The following ZSWIM2 variants were observed in gnomAD, a reference collection of about 807,000 sequenced individuals.
The protein encoded by ZSWIM2 is E3 ubiquitin-protein ligase ZSWIM2.
In ZSWIM2, 38 loss-of-function variants were observed where a neutral mutation model predicts 48.4. The ratio of observed to expected loss-of-function variants is 0.79; its 90% CI spans 0.61 to 1.03. The LOEUF is 1.03. Among genes scored for constraint, ZSWIM2 ranks in the 50% least tolerant of loss-of-function variants. ZSWIM2 has a pLI of 0.00. For synonymous variants in ZSWIM2, 240 were observed against 251.3 expected (o/e 0.96, Z 0.42); for missense variants, 776 against 730.2 (o/e 1.06, Z -0.72).
At chr2:186,831,542 T>A (rs1691699672) in intron 7 of ZSWIM2, among the ~76,000 whole-genome samples, 1 of 151,998 alleles carries the variant, frequency 6.6e-6, no homozygotes, top group Non-Finnish European at 1.5e-5. Flanking sequence ...CCCAAAGGAT[T>A]ATAAATCATG....
intron 7 of ZSWIM2, among the ~76,000 whole-genome samples, chr2:186,830,843 C>T (rs10179296): frequency 0.46 from 70,485 of 151,894 alleles, 18,231 homozygotes; most frequent in African/African-American, 0.7. Context: ...GAAAAAAAAG[C>T]TTGGTTAAAA....
rs762969899 is a variant in ZSWIM2 at position 186,827,976 on chromosome 2, A to G, written c.*8T>C. On this transcript the variant is annotated 3_prime_UTR_variant, in exon 9 of 9. Coordinates refer to ENST00000295131, the MANE Select transcript of ZSWIM2 (RefSeq NM_182521.3). ...CAACATTCAAATATTTTCAGATAGT[A>G]AACTTTTTCACAATTGAACTCCTTC... is the stretch of plus-strand genomic sequence containing the variant. 1.9e-6 allele frequency: 3 copies of G among 1,539,606 alleles called. No homozygotes were observed. The highest frequency in any genetic ancestry group is 2.6e-6 in the Non-Finnish European group (3 of 1,147,554).
At chr2:186,838,887 T>C in intron 4 of ZSWIM2, 72 bp downstream of exon 4, 1 of 1,398,910 alleles carries the variant, frequency 7.1e-7, no homozygotes. Context: ...TCATGTCTCC[T>C]AAGGTAATAA....
intron 2 of ZSWIM2, among the ~76,000 whole-genome samples, chr2:186,845,844 T>G (rs1249593002): frequency 6.6e-6 from 1 of 151,596 alleles, no homozygotes; most frequent in Non-Finnish European, 1.5e-5. Context: ...ACTTCTATCT[T>G]GAAAGATTTA....
intron 3 of ZSWIM2, among the ~76,000 whole-genome samples, 157 bp from the exon 4 acceptor site, chr2:186,839,326 T>A (rs1691862072): frequency 6.6e-6 from 1 of 151,700 alleles, no homozygotes; most frequent in Non-Finnish European, 1.5e-5. Context: ...TACATTTTTT[T>A]CAGAGCCAAA....
chr2:186,833,109 G>C lies in ZSWIM2; in HGVS notation c.941+11C>G, dbSNP rs1347492390. On this transcript the variant is annotated intron_variant, in intron 7 of 8. Transcript: ENST00000295131. ...TCATACAACAAATATAAAATTTACT[G>C]GGAACCTCACCCTTGCTTTTCTTGA... 1 of 1,267,254 alleles carries C rather than the reference G, an allele frequency of 7.9e-7. No homozygotes were observed. Among genetic ancestry groups the C allele is most frequent in the Non-Finnish European group, 1.1e-6 (1 of 923,400 alleles). 78.5% of individuals were successfully genotyped at this position (1,267,254 alleles called of 1,614,324 possible).
intron 5 of ZSWIM2, 125 bp from the exon 6 acceptor site, chr2:186,834,155 C>T: frequency 1.5e-6 from 1 of 665,470 alleles, no homozygotes; most frequent in East Asian, 2.7e-5. Flanking sequence ...CACCTCAAGT[C>T]ACACTGTGTA....
Position 186,833,343 on chromosome 2 carries a change from A to G in ZSWIM2, c.829-111T>C, listed in dbSNP as rs1691737676. On this transcript the variant is annotated intron_variant, in intron 6 of 8. Coordinates refer to ENST00000295131, the MANE Select transcript of ZSWIM2 (RefSeq NM_182521.3). ...AATGTGAACAATACACAATATTTTAAGCATATATATTATTTTTCAACATGT... is the reference window on the plus strand; with the variant it reads ...AATGTGAACAATACACAATATTTTAGGCATATATATTATTTTTCAACATGT... The G allele has an allele frequency of 7.8e-6, 4 of 514,802 alleles. No individual in the cohort carries two copies. The Admixed American group carries it at 1.6e-4, about 21-fold the overall frequency. 31.9% of individuals were successfully genotyped at this position (514,802 alleles called of 1,614,324 possible).
intron 3 of ZSWIM2, among the ~76,000 whole-genome samples, chr2:186,842,567 G>A (rs1691924339): frequency 6.6e-6 from 1 of 151,354 alleles, no homozygotes; most frequent in South Asian, 2.1e-4. Context: ...CAAAATTGCT[G>A]TGTTTGCAGA....
In ZSWIM2 at chr2:186,828,317, C is replaced by T. The variant is rs17852915; in HGVS notation, c.1569G>A (p.Val523=). The T allele has an allele frequency of 0.12, 192,216 of 1,611,574 alleles. 15,168 individuals carry two copies. The highest frequency in any genetic ancestry group is 0.4 in the African/African-American group (30,127 of 74,754). ...LLPPIVHKNI[V]CPTAMESPCI... is the part of the protein sequence containing the mutation. ...ATGGACTTTCCATTGCAGTGGGACA[C>T]ACAATATTCTTATGAACAATAGGAG... is the stretch of plus-strand genomic sequence containing the variant. Residue 523 remains valine, a synonymous_variant, in exon 9 of 9, where the codon GTG becomes GTA. Coordinates refer to ENST00000295131, the MANE Select transcript of ZSWIM2 (RefSeq NM_182521.3).
At position 186,827,815 on chromosome 2, in the gene ZSWIM2, T is replaced by C; in HGVS notation, c.*169A>G. 2 of 476,480 alleles carry C rather than the reference T, an allele frequency of 4.2e-6. No homozygotes were observed. The highest frequency in any genetic ancestry group is 3.2e-5 in the East Asian group (1 of 31,612). 29.5% of individuals were successfully genotyped at this position (476,480 alleles called of 1,614,324 possible). A position where few individuals can be genotyped will look rare whatever the true frequency, so the allele number is the denominator to read the frequency against. ...AAGACACCTAATGCTGTAAGTCATATAAGTAATAGAATCATTTCCTTTAAG... is the reference window on the plus strand; with the variant it reads ...AAGACACCTAATGCTGTAAGTCATACAAGTAATAGAATCATTTCCTTTAAG... On this transcript the variant is annotated 3_prime_UTR_variant, in exon 9 of 9. Coordinates refer to ENST00000295131, the MANE Select transcript of ZSWIM2 (RefSeq NM_182521.3).
At chr2:186,835,697 C>G (rs916638910) in intron 5 of ZSWIM2, among the ~76,000 whole-genome samples, 12 of 152,140 alleles carry the variant, frequency 7.9e-5, no homozygotes, top group African/African-American at 2.9e-4. Flanking sequence ...TCTAGTTAAT[C>G]TTGTCTCCTA....
intron 3 of ZSWIM2, among the ~76,000 whole-genome samples, chr2:186,840,123 T>C (rs1323251258): frequency 6.6e-6 from 1 of 151,606 alleles, no homozygotes. Flanking sequence ...CCCTGTCAGA[T>C]GTTATGGCAA....
At chr2:186,836,110 G>C (rs1190367098) in intron 5 of ZSWIM2, among the ~76,000 whole-genome samples, 2 of 152,104 alleles carry the variant, frequency 1.3e-5, no homozygotes, top group Admixed American at 1.3e-4. Flanking sequence ...TGTAAGCACT[G>C]AGAATTTTAC....
rs1299588061 is a variant in ZSWIM2 at position 186,829,714 on chromosome 2, A to G, written c.1095+13T>C. 6.2e-7 allele frequency: 1 copy of G among 1,601,598 alleles called. No individual in the cohort carries two copies. Among genetic ancestry groups the G allele is most frequent in the Non-Finnish European group, 8.5e-7 (1 of 1,176,182 alleles). ...CTACAGGGAAAGTAAAACTAAAATG[A>G]TGTGACTTTTACCTTGTGAGTACAT... is the stretch of plus-strand genomic sequence containing the variant. On this transcript the variant is annotated intron_variant, in intron 8 of 8. Transcript: ENST00000295131.
At position 186,832,545 on chromosome 2, in the gene ZSWIM2, A is replaced by T. The variant is rs566012624; in HGVS notation, c.941+575T>A. On this transcript the variant is annotated intron_variant, in intron 7 of 8. Coordinates refer to ENST00000295131, the MANE Select transcript of ZSWIM2 (RefSeq NM_182521.3). ...AGGCACTCTTCTTCCAACAGGGTGA[A>T]GTAGAGGGTAGAGAGAGGGGGAATG... Among the ~76,000 whole-genome samples the T allele has an allele frequency of 7.2e-5, 11 of 152,274 alleles. No individual in the cohort carries two copies. In the East Asian group the frequency reaches 1.4e-3, roughly 19 times the overall value.
intron 7 of ZSWIM2, among the ~76,000 whole-genome samples, chr2:186,831,517 G>A (rs13401579): frequency 0.18 from 27,668 of 151,548 alleles, 3,841 homozygotes; most frequent in African/African-American, 0.4. Context: ...CAGCCATCCC[G>A]TTACTGGGTA....
intron 7 of ZSWIM2, among the ~76,000 whole-genome samples, chr2:186,831,272 A>C (rs1481313777): frequency 6.6e-6 from 1 of 152,016 alleles, no homozygotes; most frequent in Non-Finnish European, 1.5e-5. Context: ...TCTGGTTTCC[A>C]ATGTGTGTGG....
chr2:186,837,038 T>C (rs1363161125), intron 5 of ZSWIM2, among the ~76,000 whole-genome samples: 2 of 152,084 alleles, frequency 1.3e-5, no homozygotes, highest in African/African-American at 2.4e-5. Context: ...CCAGAGCTTC[T>C]AGGATGGGGT....
Sources: allele counts gnomAD v4.1 joint callset (sites outside exome capture counted in the v4.1 genomes callset), GRCh38; gene constraint gnomAD v4.1.1; transcripts MANE v1.5; gene names NCBI Gene and HGNC (gene_info 2026-07-23, HGNC 2026-07-21).